Variants in DENND5A observed in about 807,000 individuals in gnomAD.
DENND5A encodes the protein DENN domain-containing protein 5A.
A neutral mutation model predicts 140.3 loss-of-function variants in DENND5A; 64 were observed. The observed-to-expected ratio is 0.46, with a 90% CI of 0.37 to 0.56. The LOEUF is 0.56. DENND5A is among the 20% of genes least tolerant of loss of function. The pLI is 0.00. For synonymous variants in DENND5A, 605 were observed against 607.7 expected, an observed-to-expected ratio of 1.00 and a Z score of 0.07; for missense variants, 1,292 against 1,593.8, an observed-to-expected ratio of 0.81 and a Z score of 3.22.
rs940013384 is a variant in DENND5A at position 9,245,086 on chromosome 11, C to T, written c.109+19875G>A. Reference sequence around the variant, plus strand: ...AATCACGAGGTCAGGAGACCAATACCATCTTGGCCAACATGCTGAAACCCC... The same window carrying T: ...AATCACGAGGTCAGGAGACCAATACTATCTTGGCCAACATGCTGAAACCCC... On this transcript the variant is annotated intron_variant, in intron 1 of 22. Coordinates refer to ENST00000328194, the MANE Select transcript of DENND5A (RefSeq NM_015213.4). Among the ~76,000 whole-genome samples the T allele has an allele frequency of 4.0e-5, 6 of 151,356 alleles. No homozygotes were observed. The East Asian group carries it at 1.2e-3, about 30-fold the overall frequency.
At position 9,190,668 on chromosome 11, in the gene DENND5A, C is replaced by T. The variant is rs111912744; in HGVS notation, c.1137+2826G>A. 7.4e-3 allele frequency among the ~76,000 whole-genome samples: 1,122 copies of T among 152,278 alleles called. 10 individuals are homozygous for T. Among genetic ancestry groups the T allele is most frequent in the African/African-American group, 0.026 (1,079 of 41,554 alleles). On this transcript the variant is annotated intron_variant, in intron 5 of 22. Coordinates refer to ENST00000328194, the MANE Select transcript of DENND5A (RefSeq NM_015213.4). ...TCAGCAGTGTAAAAATGGACTAATA[C>T]ACTGCCCCAAAGCTTCCTTCTAAGA...
intron 8 of DENND5A, among the ~76,000 whole-genome samples, chr11:9,176,358 C>T (rs1260559172): frequency 2.0e-5 from 3 of 152,154 alleles, no homozygotes; most frequent in Non-Finnish European, 4.4e-5. Flanking sequence ...AAATGAGTGA[C>T]CAAAATATAC....
At chr11:9,177,721 T>TAA (rs35643161) in intron 8 of DENND5A, among the ~76,000 whole-genome samples, 79 of 144,894 alleles carry the variant, frequency 5.5e-4, no homozygotes, top group Admixed American at 1.4e-3. Flanking sequence ...TGACATCATT[T>TAA]AAAAAAAAAA....
At chr11:9,155,527 T>A (rs1248050792) in intron 12 of DENND5A, among the ~76,000 whole-genome samples, 1 of 152,198 alleles carries the variant, frequency 6.6e-6, no homozygotes, top group Non-Finnish European at 1.5e-5. Context: ...GGCTGCTCTT[T>A]GGTCTTTCTA....
chr11:9,247,912 C>T (rs1851548051), intron 1 of DENND5A, among the ~76,000 whole-genome samples: 1 of 152,116 alleles, frequency 6.6e-6, no homozygotes, highest in Non-Finnish European at 1.5e-5. Flanking sequence ...GGGTAAAATA[C>T]TTTTATTTCC....
intron 5 of DENND5A, among the ~76,000 whole-genome samples, chr11:9,181,969 A>G (rs1427708252): frequency 6.6e-6 from 1 of 152,170 alleles, no homozygotes. Context: ...TGCTTCTGAG[A>G]GAATGTAAAG....
chr11:9,213,091 C>T (rs1849943320), intron 1 of DENND5A, among the ~76,000 whole-genome samples: 1 of 151,350 alleles, frequency 6.6e-6, no homozygotes, highest in South Asian at 2.1e-4. Flanking sequence ...GCAACATCCA[C>T]CTCCCAGGTT....
At chr11:9,243,834 C>T (rs548432685) in intron 1 of DENND5A, among the ~76,000 whole-genome samples, 2 of 152,042 alleles carry the variant, frequency 1.3e-5, no homozygotes, top group South Asian at 4.2e-4. Flanking sequence ...TGCAGTGAGC[C>T]AAGATCACAC....
Position 9,142,706 on chromosome 11 carries a change from C to G in DENND5A, c.3511+16G>C, listed in dbSNP as rs910600103. 6.2e-7 allele frequency: 1 copy of G among 1,613,996 alleles called. No homozygotes were observed. The highest frequency in any genetic ancestry group is 8.5e-7 in the Non-Finnish European group (1 of 1,179,946). ...TCTACATGCTTCTCCCACCCTCATA[C>G]TCCAGCTCAACTCACCCAGGAAATC... On this transcript the variant is annotated intron_variant, in intron 21 of 22. Transcript: ENST00000328194.
intron 1 of DENND5A, among the ~76,000 whole-genome samples, chr11:9,263,796 T>C (rs1852318740): frequency 7.2e-6 from 1 of 139,668 alleles, no homozygotes; most frequent in South Asian, 2.2e-4. Flanking sequence ...GAGCCGAGAT[T>C]GCGCCACTGC....
chr11:9,250,598 ATCTT>A (rs1851676751), intron 1 of DENND5A, among the ~76,000 whole-genome samples: 1 of 152,344 alleles, frequency 6.6e-6, no homozygotes, highest in East Asian at 1.9e-4. Flanking sequence ...ATTCTAACAG[ATCTT>A]TCTAACTTGG....
intron 12 of DENND5A, among the ~76,000 whole-genome samples, chr11:9,154,077 T>A (rs1028258139): frequency 6.6e-6 from 1 of 152,246 alleles, no homozygotes; most frequent in African/African-American, 2.4e-5. Flanking sequence ...AAGATTACAA[T>A]AATTTTATAA....
chr11:9,181,250 C>T (rs186028693), intron 5 of DENND5A, among the ~76,000 whole-genome samples, 166 bp from the exon 6 acceptor site: 1 of 152,200 alleles, frequency 6.6e-6, no homozygotes, highest in East Asian at 1.9e-4. Context: ...GACTTGAGTT[C>T]CAATATTACC....
chr11:9,193,796 G>A (rs528589412), intron 4 of DENND5A, 115 bp from the exon 5 acceptor site: 8 of 924,064 alleles, frequency 8.7e-6, no homozygotes, highest in Middle Eastern at 2.2e-4. Context: ...AAACGATCAC[G>A]ATAAACTTCA....
chr11:9,238,944 G>A (rs974566198), intron 1 of DENND5A, among the ~76,000 whole-genome samples: 7 of 150,550 alleles, frequency 4.6e-5, no homozygotes, highest in African/African-American at 1.7e-4. Flanking sequence ...CGATCCTCCT[G>A]CCTCAGCTTC....
At chr11:9,187,033 G>T (rs769901223) in intron 5 of DENND5A, among the ~76,000 whole-genome samples, 15 of 152,158 alleles carry the variant, frequency 9.9e-5, no homozygotes, top group Non-Finnish European at 2.1e-4. Context: ...GCAGTGAGCT[G>T]AGATGGCACC....
At chr11:9,214,021 T>C (rs938038782) in intron 1 of DENND5A, among the ~76,000 whole-genome samples, 52 of 152,310 alleles carry the variant, frequency 3.4e-4, no homozygotes, top group Admixed American at 5.9e-4. Flanking sequence ...CCTTTGCATA[T>C]TGGCATTCTG....
At position 9,144,265 on chromosome 11, in the gene DENND5A, G is replaced by A. The variant is rs1564878992; in HGVS notation, c.3136C>T (p.Arg1046Trp). 6 of 1,613,748 alleles carry A rather than the reference G, an allele frequency of 3.7e-6. No homozygotes were observed. Among genetic ancestry groups the A allele is most frequent in the African/African-American group, 1.3e-5 (1 of 74,900 alleles). ...TGHTYKFPCGRWLGKGMDDGS... is the reference protein window; with the variant it reads ...TGHTYKFPCGWWLGKGMDDGS... ...TCATCCATGCCCTTCCCTAACCACC[G>A]GCCACACGGGAACCTGAAGATCAGA... The change falls in exon 19 of 23, where the codon CGG (arginine) becomes TGG (tryptophan). Residue 1046 changes from arginine (R) to tryptophan (W), a missense_variant. Physicochemically the swap from Arg to Trp is moderately radical, Grantham distance 101. Around this residue, in one of 4 missense-constraint regions of DENND5A, gnomAD observed 498 missense variants for 689.7 expected, o/e 0.72. Transcript: ENST00000328194.
At chr11:9,248,384 A>G (rs771380205) in intron 1 of DENND5A, among the ~76,000 whole-genome samples, 8 of 152,026 alleles carry the variant, frequency 5.3e-5, no homozygotes, top group Non-Finnish European at 7.4e-5. Context: ...GCCATGCCTC[A>G]TTATACCCCT....
Sources: gnomAD v4.1 joint callset for allele counts (sites outside exome capture counted in the v4.1 genomes callset) on GRCh38, gnomAD v4.1.1 for gene constraint, gnomAD v4.1.1 regional missense constraint, MANE v1.5 for transcripts, NCBI Gene and HGNC (gene_info 2026-07-23, HGNC 2026-07-21) for gene names.